Variants in CSNK1G2 observed in about 807,000 individuals in gnomAD.
CSNK1G2 encodes the protein casein kinase 1 gamma 2.
Under a neutral mutation model 48.0 loss-of-function variants are expected in CSNK1G2, and 11 were observed. The ratio of observed to expected loss-of-function variants is 0.23; its 90% CI spans 0.14 to 0.38. CSNK1G2 has a LOEUF of 0.38. Ranked by LOEUF, CSNK1G2 falls within the 10% of genes least tolerant of loss-of-function variation. CSNK1G2 has a pLI of 1.00. For synonymous variants in CSNK1G2, 337 were observed against 254.1 expected, an observed-to-expected ratio of 1.33 and a Z score of -3.10; for missense variants, 446 against 595.5, an observed-to-expected ratio of 0.75 and a Z score of 2.61.
chr19:1,979,923 A>C lies in CSNK1G2; in HGVS notation c.1099A>C (p.Thr367Pro). ...CTGCCCCCACCAGGCGTTGAACTCC[A>C]CCAACGGGGAGCTGAATGCGGACGA... Reference protein sequence around the residue: ...PHSKNQALNSTNGELNADDPT... With the variant: ...PHSKNQALNSPNGELNADDPT... Residue 367 changes from threonine (T) to proline (P), a missense_variant, in exon 11 of 12, where the codon ACC becomes CCC. Coordinates refer to ENST00000255641, the MANE Select transcript of CSNK1G2 (RefSeq NM_001319.7). 1 of 1,606,166 alleles carries C rather than the reference A, an allele frequency of 6.2e-7. No individual in the cohort carries two copies. The highest frequency in any genetic ancestry group is 1.1e-5 in the South Asian group (1 of 90,478).
chr19:1,965,506 CATTT>C (rs1212264776), intron 1 of CSNK1G2, among the ~76,000 whole-genome samples: 7 of 151,868 alleles, frequency 4.6e-5, no homozygotes, highest in South Asian at 2.1e-4. Context: ...GTCATTCATT[CATTT>C]ATTTATGCAT....
At chr19:1,971,831 G>A (rs1388640600) in intron 2 of CSNK1G2, among the ~76,000 whole-genome samples, 4 of 149,122 alleles carry the variant, frequency 2.7e-5, no homozygotes, top group East Asian at 2.0e-4. Flanking sequence ...GTGCAGTGGC[G>A]CAATCTCGGC....
chr19:1,972,397 C>A (rs1490008716), intron 2 of CSNK1G2, among the ~76,000 whole-genome samples: 1 of 152,064 alleles, frequency 6.6e-6, no homozygotes, highest in Non-Finnish European at 1.5e-5. Flanking sequence ...AATGTTGTTC[C>A]GTTGTCTAGA....
intron 1 of CSNK1G2, among the ~76,000 whole-genome samples, chr19:1,962,887 C>T (rs879830775): frequency 3.9e-5 from 6 of 152,178 alleles, no homozygotes; most frequent in Non-Finnish European, 5.9e-5. Flanking sequence ...GCGCAGACGC[C>T]GCCGTGGACT....
intron 1 of CSNK1G2, chr19:1,968,679 A>T (rs1033249578): frequency 2.6e-5 from 4 of 152,562 alleles, no homozygotes; most frequent in Non-Finnish European, 5.9e-5. Context: ...TCAGGACCAG[A>T]GGCTTCTGTC....
rs1032357639 is a variant in CSNK1G2 at position 1,980,436 on chromosome 19, C to T, written c.*233C>T. On this transcript the variant is annotated 3_prime_UTR_variant, in exon 12 of 12. Transcript: ENST00000255641. ...TTCTACACCTGTGTCTAGTCCTCCC[C>T]TCCAAGAGCATTAACTATTTAAAAC... is the stretch of plus-strand genomic sequence containing the variant. The T allele has an allele frequency of 2.5e-5, 15 of 600,118 alleles. No homozygotes were observed. The highest frequency in any genetic ancestry group is 4.5e-5 in the Non-Finnish European group (15 of 336,162). 37.2% of individuals were successfully genotyped at this position (600,118 alleles called of 1,614,324 possible).
At chr19:1,962,434 A>G (rs1475719022) in intron 1 of CSNK1G2, among the ~76,000 whole-genome samples, 2 of 151,964 alleles carry the variant, frequency 1.3e-5, no homozygotes, top group Non-Finnish European at 2.9e-5. Flanking sequence ...TGGGAGGCCG[A>G]GGAGGGAGGA....
intron 1 of CSNK1G2, among the ~76,000 whole-genome samples, chr19:1,949,503 G>C (rs1398558062): frequency 2.0e-5 from 3 of 152,226 alleles, no homozygotes; most frequent in African/African-American, 7.2e-5. Flanking sequence ...GCTGAGTCGT[G>C]TTCCGGCGTG....
At chr19:1,953,136 C>T (rs2014839620) in intron 1 of CSNK1G2, 1 of 379,672 alleles carries the variant, frequency 2.6e-6, no homozygotes, top group Middle Eastern at 9.3e-4. Flanking sequence ...TGGGAGCCAC[C>T]CCGGGTCCCA....
chr19:1,970,667 T>G (rs1160804758), intron 2 of CSNK1G2, among the ~76,000 whole-genome samples: 1 of 152,178 alleles, frequency 6.6e-6, no homozygotes, highest in Non-Finnish European at 1.5e-5. Flanking sequence ...GCCAGGGAGC[T>G]GAATCATCCC....
chr19:1,977,750 CA>C (rs758107982), intron 2 of CSNK1G2, among the ~76,000 whole-genome samples: 2,702 of 83,016 alleles, frequency 0.033, 72 homozygotes, highest in African/African-American at 0.1. Context: ...GACACCGTCT[CA>C]AAAAAAAAAA....
chr19:1,961,181 C>T (rs1329077014), intron 1 of CSNK1G2, among the ~76,000 whole-genome samples: 1 of 152,246 alleles, frequency 6.6e-6, no homozygotes, highest in African/African-American at 2.4e-5. Context: ...GACCCCAGCC[C>T]TGGCCGTCGC....
chr19:1,958,370 G>C (rs1351393972), intron 1 of CSNK1G2, among the ~76,000 whole-genome samples: 1 of 151,986 alleles, frequency 6.6e-6, no homozygotes, highest in Non-Finnish European at 1.5e-5. Context: ...CGTGGGGTTG[G>C]TGCACCAGGG....
chr19:1,941,671 C>T (rs909415171), intron 1 of CSNK1G2, among the ~76,000 whole-genome samples: 12 of 150,732 alleles, frequency 8.0e-5, no homozygotes, highest in African/African-American at 2.7e-4. Flanking sequence ...CCCCACCGCC[C>T]TAACCCGCGC....
rs890809059 is a variant in CSNK1G2 at position 1,946,751 on chromosome 19, T to C, written c.-266+5333T>C. On this transcript the variant is annotated intron_variant, in intron 1 of 11. Coordinates refer to ENST00000255641, the MANE Select transcript of CSNK1G2 (RefSeq NM_001319.7). ...CCTCAGCCTCTCCAGCAGCTGGGAC[T>C]ACAGGTACATGCCATCACGCCTGGC... 4.6e-5 allele frequency among the ~76,000 whole-genome samples: 7 copies of C among 151,722 alleles called. No individual in the cohort carries two copies. The Middle Eastern group carries it at 0.01, about 223-fold the overall frequency.
intron 2 of CSNK1G2, chr19:1,975,214 G>A: frequency 1.0e-6 from 1 of 985,492 alleles, no homozygotes; most frequent in Non-Finnish European, 1.2e-6. Flanking sequence ...AGCCAGGCTG[G>A]GGAGGACGTT....
rs758452503 is a variant in CSNK1G2, at chr19:1,957,439, G to C, written c.-265-12069G>C. 3.3e-4 allele frequency among the ~76,000 whole-genome samples: 51 copies of C among 152,356 alleles called. No homozygotes were observed. The highest frequency in any genetic ancestry group is 6.5e-4 in the Admixed American group (10 of 15,312). On this transcript the variant is annotated intron_variant, in intron 1 of 11. Transcript: ENST00000255641. The surrounding 1 kb of genome is among the most constrained non-coding windows in gnomAD (Gnocchi z 5.4). ...AGCAGAGAGCAGCCTGGGAGAGAAG[G>C]GGGCTGCCCCGAGCGGCTTGGGTGG...
rs1461836239 is a variant in CSNK1G2, at chr19:1,979,103, G to T, written c.682+10G>T. 6.3e-7 allele frequency: 1 copy of T among 1,587,694 alleles called. No homozygotes were observed. The highest frequency in any genetic ancestry group is 1.4e-5 in the African/African-American group (1 of 73,796). On this transcript the variant is annotated intron_variant, in intron 6 of 11. Coordinates refer to ENST00000255641, the MANE Select transcript of CSNK1G2 (RefSeq NM_001319.7). The stretch of plus-strand genomic sequence containing the variant: ...ACGCACCTGGGCAAGGGTGAGCTGC[G>T]CGCGCGCGGCGGGGGGCGGGCGCCC...
At chr19:1,955,076 C>T (rs775147280) in intron 1 of CSNK1G2, among the ~76,000 whole-genome samples, 7 of 152,146 alleles carry the variant, frequency 4.6e-5, no homozygotes, top group East Asian at 1.9e-4. Flanking sequence ...CCCTGGGGTT[C>T]GGAGAGCCCC....
Sources: allele counts gnomAD v4.1 joint callset (sites outside exome capture counted in the v4.1 genomes callset), GRCh38; gene constraint gnomAD v4.1.1; non-coding constraint Gnocchi (gnomAD v3.1); transcripts MANE v1.5; gene names NCBI Gene and HGNC (gene_info 2026-07-23, HGNC 2026-07-21).